Variants in BEND6 observed in about 807,000 individuals in gnomAD.
BEND6 encodes BEN domain-containing protein 6.
In BEND6, 24 loss-of-function variants were observed where a neutral mutation model predicts 31.8. The observed-to-expected ratio is 0.75, with a 90% CI of 0.55 to 1.06. The LOEUF (loss-of-function observed/expected upper bound fraction) is 1.06, where lower values mean the gene tolerates loss of function less well. BEND6 is among the 50% of genes least tolerant of loss of function. BEND6 has a pLI of 0.00. For missense variants in BEND6, 294 were observed against 327.4 expected (o/e 0.90, Z 0.79); for synonymous variants, 109 against 114.6 (o/e 0.95, Z 0.31).
At chr6:57,002,806 A>C (rs1230457604) in intron 3 of BEND6, among the ~76,000 whole-genome samples, 2 of 149,174 alleles carry the variant, frequency 1.3e-5, no homozygotes, top group Non-Finnish European at 3.0e-5. Context: ...AAACTAGAAA[A>C]TCAAGAAAAA....
At chr6:56,977,385 A>G (rs1825914590) in intron 1 of BEND6, among the ~76,000 whole-genome samples, 1 of 152,236 alleles carries the variant, frequency 6.6e-6, no homozygotes, top group Non-Finnish European at 1.5e-5. Flanking sequence ...GTGAAAAAAA[A>G]CTGTGGGCAA....
At chr6:56,986,204 A>G (rs138613767) in intron 2 of BEND6, among the ~76,000 whole-genome samples, 1,933 of 152,288 alleles carry the variant, frequency 0.013, 140 homozygotes, top group Admixed American at 0.11. Context: ...AAGATGTATT[A>G]CATATGTATA....
At chr6:57,017,094 C>G (rs546591953) in intron 4 of BEND6, 113 bp from the exon 5 acceptor site, 1 of 430,392 alleles carries the variant, frequency 2.3e-6, no homozygotes, top group East Asian at 4.9e-5. Context: ...TATATAATAT[C>G]TTACCTTAAA....
At chr6:56,992,293 T>G in intron 2 of BEND6, 85 bp from the exon 3 acceptor site, 4 of 1,400,626 alleles carry the variant, frequency 2.9e-6, no homozygotes, top group Non-Finnish European at 3.8e-6. Context: ...AAATTTGTAG[T>G]CCCAACAACA....
chr6:56,986,651 C>T (rs1461698369), intron 2 of BEND6, among the ~76,000 whole-genome samples: 3 of 152,104 alleles, frequency 2.0e-5, no homozygotes, highest in Non-Finnish European at 4.4e-5. Context: ...TTATTTAAGT[C>T]ACTTCAGGAT....
chr6:56,981,734 C>T lies in BEND6; in HGVS notation c.-77C>T, dbSNP rs781236315. Reference sequence around the variant, plus strand: ...AGGGAAAGCATTAACTTTTGAGCTACGTCCAGAATAGCATCATCTTCATGG... The same window carrying T: ...AGGGAAAGCATTAACTTTTGAGCTATGTCCAGAATAGCATCATCTTCATGG... On this transcript the variant is annotated 5_prime_UTR_variant, in exon 2 of 7. The change creates a new upstream start codon in the 5' untranslated region. Coordinates refer to ENST00000370746, the MANE Select transcript of BEND6 (RefSeq NM_152731.3). The T allele has an allele frequency of 2.2e-5, 33 of 1,510,880 alleles. No homozygotes were observed. Among genetic ancestry groups the T allele is most frequent in the East Asian group, 7.0e-5 (3 of 43,108 alleles). The allele number at this position is 1,510,880 out of a possible 1,614,324, so 93.6% of individuals were successfully genotyped here. A position where few individuals can be genotyped will look rare whatever the true frequency, so the allele number is the denominator to read the frequency against.
chr6:56,961,153 C>T (rs1468661615), intron 1 of BEND6, among the ~76,000 whole-genome samples: 3 of 152,182 alleles, frequency 2.0e-5, no homozygotes, highest in Admixed American at 2.0e-4. Flanking sequence ...TCATGCAAAT[C>T]CACATAGGTA....
At chr6:56,971,053 C>T (rs936812327) in intron 1 of BEND6, among the ~76,000 whole-genome samples, 1 of 152,136 alleles carries the variant, frequency 6.6e-6, no homozygotes, top group Non-Finnish European at 1.5e-5. Context: ...TATTGTGCAA[C>T]CATCACTACC....
chr6:56,984,078 G>A (rs1009150404), intron 2 of BEND6, among the ~76,000 whole-genome samples: 10 of 151,824 alleles, frequency 6.6e-5, no homozygotes, highest in South Asian at 2.1e-4. Flanking sequence ...AAAATTAATC[G>A]GGTGCAACTG....
At position 57,017,268 on chromosome 6, in the gene BEND6, A is replaced by G; in HGVS notation, c.581A>G (p.Asn194Ser). The G allele has an allele frequency of 6.4e-7, 1 of 1,561,778 alleles. No homozygotes were observed. The highest frequency in any genetic ancestry group is 8.7e-7 in the Non-Finnish European group (1 of 1,154,918). Reference sequence around the variant, plus strand: ...AAGAGCAAGCCTCAGAAGTTTATTAATGATTTAATGCAAGTACTTTACACA... The same window carrying G: ...AAGAGCAAGCCTCAGAAGTTTATTAGTGATTTAATGCAAGTACTTTACACA... The part of the protein sequence containing the change: ...CNKSKPQKFI[N>S]DLMQVLYTNE... The change falls in exon 5 of 7, where the codon AAT (asparagine) becomes AGT (serine). Residue 194 changes from asparagine to serine, a missense_variant. Asn to Ser is a conservative substitution (Grantham distance 46). Coordinates refer to ENST00000370746, the MANE Select transcript of BEND6 (RefSeq NM_152731.3).
At chr6:56,997,622 C>T (rs900408464) in intron 3 of BEND6, among the ~76,000 whole-genome samples, 3 of 152,172 alleles carry the variant, frequency 2.0e-5, no homozygotes, top group Non-Finnish European at 2.9e-5. Flanking sequence ...GGCGCAATCT[C>T]GGCTCACTGC....
At chr6:56,977,630 C>T (rs900650810) in intron 1 of BEND6, among the ~76,000 whole-genome samples, 56 of 152,078 alleles carry the variant, frequency 3.7e-4, no homozygotes, top group Admixed American at 2.0e-4. Flanking sequence ...TTTATTGAAA[C>T]AGCATTCACA....
intron 2 of BEND6, among the ~76,000 whole-genome samples, chr6:56,982,848 T>C (rs1329758762): frequency 4.6e-5 from 7 of 152,162 alleles, no homozygotes; most frequent in Admixed American, 4.6e-4. Context: ...TACATTCTTA[T>C]CCCTGTCTTT....
At chr6:56,988,404 A>G (rs1419523195) in intron 2 of BEND6, among the ~76,000 whole-genome samples, 2 of 152,074 alleles carry the variant, frequency 1.3e-5, no homozygotes, top group African/African-American at 4.8e-5. Flanking sequence ...TCTCAGTCAG[A>G]AGGTTGTGAA....
chr6:56,964,845 T>C (rs1465006549), intron 1 of BEND6, among the ~76,000 whole-genome samples: 3 of 152,188 alleles, frequency 2.0e-5, no homozygotes, highest in Non-Finnish European at 4.4e-5. Context: ...TTGCATACTT[T>C]GATCTCACTC....
At chr6:56,995,626 A>G (rs1304988004) in intron 3 of BEND6, among the ~76,000 whole-genome samples, 2 of 152,144 alleles carry the variant, frequency 1.3e-5, no homozygotes, top group African/African-American at 4.8e-5. Context: ...TGGATAAGTC[A>G]GCATAACCCC....
intron 3 of BEND6, among the ~76,000 whole-genome samples, chr6:57,012,421 T>C (rs571995450): frequency 4.6e-4 from 70 of 152,290 alleles, no homozygotes; most frequent in African/African-American, 1.7e-3. Flanking sequence ...AGTCCAAGGA[T>C]TGATTTAGAC....
At chr6:57,004,739 G>T (rs1593013695) in intron 3 of BEND6, 2 of 1,355,508 alleles carry the variant, frequency 1.5e-6, no homozygotes, top group East Asian at 4.6e-5. Flanking sequence ...CCCCATTTGT[G>T]TGACTTCACT....
intron 3 of BEND6, chr6:57,008,040 G>A: frequency 1.6e-6 from 1 of 643,638 alleles, no homozygotes; most frequent in East Asian, 2.7e-5. Flanking sequence ...ATTGGCCTAA[G>A]TCTACTGGTA....
Sources: gnomAD v4.1 joint callset for allele counts (sites outside exome capture counted in the v4.1 genomes callset) on GRCh38, gnomAD v4.1.1 for gene constraint, MANE v1.5 for transcripts, NCBI Gene and HGNC (gene_info 2026-07-23, HGNC 2026-07-21) for gene names.